Variants in GPHN observed in about 807,000 individuals in gnomAD.
The protein encoded by GPHN is gephyrin.
Under a neutral mutation model 95.5 loss-of-function variants are expected in GPHN, and 17 were observed. The ratio of observed to expected loss-of-function variants is 0.18; its 90% confidence interval spans 0.12 to 0.27. GPHN has a LOEUF of 0.27. Among genes scored for constraint, GPHN ranks in the 10% least tolerant of loss-of-function variants. The pLI is 1.00. For missense variants in GPHN, 660 were observed against 978.1 expected, an observed-to-expected ratio of 0.67 and a Z score of 4.34; for synonymous variants, 320 against 322.5, an observed-to-expected ratio of 0.99 and a Z score of 0.08.
chr14:67,418,919 G>A, the GPHN span, among the ~76,000 whole-genome samples: 1 of 152,186 alleles, frequency 6.6e-6, no homozygotes, highest in African/African-American at 2.4e-5. Context: ...AGGGCGCTCT[G>A]CAAGGCTTTG....
intron 4 of GPHN, among the ~76,000 whole-genome samples, chr14:66,833,194 C>T (rs2153501241): frequency 6.6e-6 from 1 of 152,186 alleles, no homozygotes; most frequent in African/African-American, 2.4e-5. Flanking sequence ...TGTGGTAGGC[C>T]TTAGGAAACT....
the GPHN span, among the ~76,000 whole-genome samples, chr14:67,291,575 G>A: frequency 3.3e-5 from 5 of 152,296 alleles, no homozygotes; most frequent in Admixed American, 1.3e-4. Context: ...GAGCCACTGC[G>A]CCCAGCCTAC....
the GPHN span, among the ~76,000 whole-genome samples, chr14:67,604,826 T>A: frequency 6.6e-6 from 1 of 152,200 alleles, no homozygotes; most frequent in Non-Finnish European, 1.5e-5. Flanking sequence ...TTGTAGAGGT[T>A]AAGGGTCATT....
intron 1 of GPHN, among the ~76,000 whole-genome samples, chr14:66,524,316 A>G (rs933254238): frequency 4.6e-5 from 7 of 152,210 alleles, no homozygotes; most frequent in Middle Eastern, 3.4e-3. Context: ...TTAGTAGATG[A>G]GGACCTTATA....
chr14:66,635,444 G>C (rs2064044593), intron 1 of GPHN, among the ~76,000 whole-genome samples: 1 of 152,120 alleles, frequency 6.6e-6, no homozygotes, highest in Non-Finnish European at 1.5e-5. Flanking sequence ...TTTCCAAATA[G>C]TTTAACTTCA....
chr14:67,428,108 G>A, the GPHN span, among the ~76,000 whole-genome samples: 10 of 152,026 alleles, frequency 6.6e-5, no homozygotes, highest in African/African-American at 1.9e-4. Flanking sequence ...TAGTAGATAC[G>A]GGGTTTTGCC....
chr14:67,285,107 A>G, the GPHN span, among the ~76,000 whole-genome samples: 1 of 152,136 alleles, frequency 6.6e-6, no homozygotes, highest in Non-Finnish European at 1.5e-5. Context: ...AGTAATATTA[A>G]GTTCCCCATC....
chr14:67,265,200 A>G, the GPHN span, among the ~76,000 whole-genome samples: 1 of 152,234 alleles, frequency 6.6e-6, no homozygotes, highest in Admixed American at 6.5e-5. Flanking sequence ...AGCCTAAACC[A>G]TGAACTATAT....
At chr14:66,664,523 G>A (rs906959591) in intron 1 of GPHN, among the ~76,000 whole-genome samples, 1 of 152,078 alleles carries the variant, frequency 6.6e-6, no homozygotes, top group Non-Finnish European at 1.5e-5. Context: ...GCCCACATCA[G>A]AAAGCTAGCA....
intron 2 of GPHN, among the ~76,000 whole-genome samples, chr14:66,698,919 C>G (rs1555384641): frequency 6.6e-6 from 1 of 152,116 alleles, no homozygotes; most frequent in Non-Finnish European, 1.5e-5. Flanking sequence ...CCAAGGAGTT[C>G]AAACTTGTGT....
intron 9 of GPHN, among the ~76,000 whole-genome samples, chr14:66,966,607 G>A (rs1407777445): frequency 6.6e-6 from 1 of 151,884 alleles, no homozygotes; most frequent in East Asian, 1.9e-4. Context: ...TTAAAACAAA[G>A]TAACTTACAG....
the GPHN span, among the ~76,000 whole-genome samples, chr14:67,355,750 C>T: frequency 4.0e-5 from 6 of 151,672 alleles, no homozygotes; most frequent in Admixed American, 2.6e-4. Context: ...TGTCTATAAT[C>T]AGCACTTTGG....
At chr14:66,991,636 T>A (rs1388618025) in intron 9 of GPHN, among the ~76,000 whole-genome samples, 11 of 144,032 alleles carry the variant, frequency 7.6e-5, no homozygotes, top group South Asian at 2.3e-4. Flanking sequence ...AAAAAAAAAA[T>A]TTAAAGGCAA....
the GPHN span, among the ~76,000 whole-genome samples, chr14:67,485,139 CAGA>C: frequency 6.6e-6 from 1 of 152,120 alleles, no homozygotes; most frequent in Non-Finnish European, 1.5e-5. Flanking sequence ...TGGATAATTC[CAGA>C]AGGAGAATCA....
chr14:66,650,747 A>G (rs2065002477), intron 1 of GPHN, among the ~76,000 whole-genome samples: 1 of 152,154 alleles, frequency 6.6e-6, no homozygotes, highest in Non-Finnish European at 1.5e-5. Flanking sequence ...CTGCAGAACT[A>G]TTCAAGTCTT....
chr14:67,151,463 A>G (rs1384482920), intron 18 of GPHN, among the ~76,000 whole-genome samples: 1 of 152,150 alleles, frequency 6.6e-6, no homozygotes, highest in African/African-American at 2.4e-5. Context: ...ATAAAACCAA[A>G]TCCCTAATCA....
chr14:67,340,799 G>C, the GPHN span, among the ~76,000 whole-genome samples: 93 of 152,218 alleles, frequency 6.1e-4, no homozygotes, highest in Non-Finnish European at 1.0e-3. Flanking sequence ...TCAGCCTGCC[G>C]AGTGCCTGCG....
At chr14:67,497,182 T>C in the GPHN span, among the ~76,000 whole-genome samples, 8 of 152,160 alleles carry the variant, frequency 5.3e-5, no homozygotes, top group East Asian at 1.9e-4. Flanking sequence ...GGGTGGTGTA[T>C]ATGCTGCGGG....
the GPHN span, among the ~76,000 whole-genome samples, chr14:67,432,831 G>T: frequency 6.6e-6 from 1 of 152,066 alleles, no homozygotes; most frequent in East Asian, 1.9e-4. Context: ...TCCAATCTCT[G>T]TTTTGGTGGT....
Sources: gnomAD v4.1 joint callset for allele counts (sites outside exome capture counted in the v4.1 genomes callset) on GRCh38, gnomAD v4.1.1 for gene constraint, MANE v1.5 for transcripts, NCBI Gene and HGNC (gene_info 2026-07-23, HGNC 2026-07-21) for gene names.